PHACTR1: variants seen among roughly 807,000 people sequenced by gnomAD.
The protein encoded by PHACTR1 is RPEL repeat containing 1.
In PHACTR1, 16 loss-of-function variants were observed where a neutral mutation model predicts 69.2. The ratio of observed to expected loss-of-function variants is 0.23; its 90% CI spans 0.16 to 0.35. The LOEUF (loss-of-function observed/expected upper bound fraction) is 0.35. Ranked by LOEUF, PHACTR1 falls within the 10% of genes least tolerant of loss-of-function variation. The pLI, the probability that PHACTR1 is intolerant of heterozygous loss-of-function variation, is 1.00. For missense variants in PHACTR1, 510 were observed against 734.7 expected, an observed-to-expected ratio of 0.69 and a Z score of 3.54; for synonymous variants, 312 against 284.5, an observed-to-expected ratio of 1.10 and a Z score of -0.97.
rs1163943745 is a variant in PHACTR1 at position 13,002,273 on chromosome 6, A to T, written c.251-51092A>T. 2.0e-5 allele frequency among the ~76,000 whole-genome samples: 3 copies of T among 152,182 alleles called. No individual in the cohort carries two copies. In the South Asian group the frequency reaches 6.2e-4, roughly 32 times the overall value. ...TCCTATTTCTTTCACGGCCTGGCAA[A>T]ATGTCAATATATACTATAAAGCATT... On this transcript the variant is annotated intron_variant, in intron 4 of 14. Transcript: ENST00000332995.
chr6:13,050,167 A>T (rs555211851), intron 4 of PHACTR1, among the ~76,000 whole-genome samples: 1 of 152,322 alleles, frequency 6.6e-6, no homozygotes, highest in East Asian at 1.9e-4. Flanking sequence ...CAAGCAGCTG[A>T]TGCCTTTTAA....
At chr6:13,265,902 C>T (rs1228403289) in intron 10 of PHACTR1, among the ~76,000 whole-genome samples, 1 of 152,136 alleles carries the variant, frequency 6.6e-6, no homozygotes, top group Non-Finnish European at 1.5e-5. Context: ...TCTCTCCATA[C>T]TCATGGCTTC....
At chr6:12,926,461 C>G (rs184575441) in intron 4 of PHACTR1, among the ~76,000 whole-genome samples, 101 of 152,322 alleles carry the variant, frequency 6.6e-4, no homozygotes, top group Non-Finnish European at 1.2e-3. Context: ...AATTCTAGAT[C>G]CATATCTATG....
chr6:13,077,678 C>T (rs548586356), intron 5 of PHACTR1, among the ~76,000 whole-genome samples: 15 of 152,144 alleles, frequency 9.9e-5, no homozygotes, highest in African/African-American at 3.6e-4. Context: ...GACTGACTGG[C>T]AGTTAGAGAT....
chr6:13,214,815 A>T (rs937988305), intron 8 of PHACTR1, among the ~76,000 whole-genome samples: 4 of 152,228 alleles, frequency 2.6e-5, no homozygotes, highest in Non-Finnish European at 4.4e-5. Flanking sequence ...TCATTCATGC[A>T]TGCTATCAAC....
intron 7 of PHACTR1, among the ~76,000 whole-genome samples, chr6:13,190,656 C>T (rs1285632302): frequency 6.6e-6 from 1 of 151,982 alleles, no homozygotes; most frequent in African/African-American, 2.4e-5. Context: ...GGGTAAACCA[C>T]ATGGGAAGCA....
chr6:12,825,577 C>T (rs1220809931), intron 4 of PHACTR1, among the ~76,000 whole-genome samples: 1 of 152,184 alleles, frequency 6.6e-6, no homozygotes, highest in Non-Finnish European at 1.5e-5. Flanking sequence ...TGATCAATCT[C>T]ATCATTCTGG....
chr6:13,060,253 T>A (rs1807471409), intron 5 of PHACTR1, among the ~76,000 whole-genome samples: 1 of 152,176 alleles, frequency 6.6e-6, no homozygotes, highest in African/African-American at 2.4e-5. Flanking sequence ...CTGGATGGAT[T>A]GTTTGGGGCA....
chr6:13,203,550 T>C (rs375836138), intron 7 of PHACTR1, among the ~76,000 whole-genome samples: 1 of 152,178 alleles, frequency 6.6e-6, no homozygotes, highest in Non-Finnish European at 1.5e-5. Context: ...AACACGGACA[T>C]AATATGCATC....
rs763631079 is a variant in PHACTR1 at position 12,944,792 on chromosome 6, T to TTATTTATTTA, written c.251-108572_251-108571insATTTATTTAT. Among the ~76,000 whole-genome samples, 954 of 147,024 alleles carry TTATTTATTTA rather than the reference T, an allele frequency of 6.5e-3. 4 individuals are homozygous for TTATTTATTTA. The highest frequency in any genetic ancestry group is 0.017 in the Middle Eastern group (5 of 290). ...TTATTTATTTATTTTTATTTATTTT[T>TTATTTATTTA]TTTTTTTTGAGACGGAGTCTGGCTC... is the stretch of plus-strand genomic sequence containing the variant. On this transcript the variant is annotated intron_variant, in intron 4 of 14. Transcript: ENST00000332995.
chr6:12,718,734 G>C lies in PHACTR1; in HGVS notation c.-11G>C, dbSNP rs377686869. The C allele has an allele frequency of 1.7e-5, 25 of 1,469,882 alleles. No homozygotes were observed. Among genetic ancestry groups the C allele is most frequent in the Admixed American group, 6.3e-5 (3 of 47,378 alleles). 91.1% of individuals were successfully genotyped at this position (1,469,882 alleles called of 1,614,324 possible). A position where few individuals can be genotyped will look rare whatever the true frequency, so the allele number is the denominator to read the frequency against. On this transcript the variant is annotated 5_prime_UTR_variant, in exon 3 of 15. Coordinates refer to ENST00000332995, the MANE Select transcript of PHACTR1 (RefSeq NM_030948.6). ...GTTTTCTCTCAAAACTCTGTGTTTG[G>C]AACATCAAGGATGGATTATCCCAAA... is the stretch of plus-strand genomic sequence containing the variant.
At chr6:12,781,821 G>A (rs995361092) in intron 4 of PHACTR1, among the ~76,000 whole-genome samples, 4 of 152,152 alleles carry the variant, frequency 2.6e-5, no homozygotes, top group African/African-American at 4.8e-5. Flanking sequence ...ACTACCAACC[G>A]ACTGCTTATT....
At position 12,977,593 on chromosome 6, in the gene PHACTR1, T is replaced by C. The variant is rs540249776; in HGVS notation, c.251-75772T>C. ...TTCAAACAAGGTCTGCAAGGATTTG[T>C]GTGAATCATTTGATTAGCAATGAGA... On this transcript the variant is annotated intron_variant, in intron 4 of 14. Transcript: ENST00000332995. Among the ~76,000 whole-genome samples the C allele has an allele frequency of 2.0e-5, 3 of 152,350 alleles. No individual in the cohort carries two copies. The East Asian group carries it at 5.8e-4, about 29-fold the overall frequency.
intron 4 of PHACTR1, among the ~76,000 whole-genome samples, chr6:12,834,362 C>G (rs931283073): frequency 2.6e-5 from 4 of 152,150 alleles, no homozygotes; most frequent in African/African-American, 9.7e-5. Context: ...CAACCTTCTT[C>G]CCTGGGGAGT....
At chr6:13,072,971 A>G (rs548035390) in intron 5 of PHACTR1, among the ~76,000 whole-genome samples, 100 of 152,272 alleles carry the variant, frequency 6.6e-4, no homozygotes, top group African/African-American at 2.3e-3. Flanking sequence ...GTCTGTCCAG[A>G]GTGGCCTCAG....
intron 4 of PHACTR1, among the ~76,000 whole-genome samples, chr6:12,853,617 G>C (rs949751044): frequency 6.6e-6 from 1 of 152,186 alleles, no homozygotes; most frequent in Non-Finnish European, 1.5e-5. Flanking sequence ...CCCATTGCTG[G>C]GGAAGCCTCA....
At chr6:13,252,114 T>C (rs1352556227) in intron 10 of PHACTR1, among the ~76,000 whole-genome samples, 1 of 145,372 alleles carries the variant, frequency 6.9e-6, no homozygotes, top group African/African-American at 2.6e-5. Context: ...CTTATGCCCA[T>C]AATCCCAGCA....
At chr6:13,095,246 A>G (rs1813989892) in intron 5 of PHACTR1, among the ~76,000 whole-genome samples, 1 of 152,196 alleles carries the variant, frequency 6.6e-6, no homozygotes, top group African/African-American at 2.4e-5. Context: ...TTCCAATGTC[A>G]CTCCTAAGAG....
At chr6:13,087,610 GA>G (rs1348647650) in intron 5 of PHACTR1, among the ~76,000 whole-genome samples, 3 of 150,342 alleles carry the variant, frequency 2.0e-5, no homozygotes, top group Admixed American at 6.6e-5. Context: ...ATGATTTAAA[GA>G]AAGAAACAAT....
Sources: gnomAD v4.1 joint callset for allele counts (sites outside exome capture counted in the v4.1 genomes callset) on GRCh38, gnomAD v4.1.1 for gene constraint, MANE v1.5 for transcripts, NCBI Gene and HGNC (gene_info 2026-07-23, HGNC 2026-07-21) for gene names.